The following MGAT4C variants were observed in gnomAD, a reference collection of about 807,000 sequenced individuals.
The protein encoded by MGAT4C is MGAT4 family member C, also known as alpha-1,3-mannosyl-glycoprotein 4-beta-N-acetylglucosaminyltransferase C.
Under a neutral mutation model 40.1 loss-of-function variants are expected in MGAT4C, and 19 were observed. That is an observed-to-expected ratio of 0.47 (90% CI 0.33 to 0.70). The LOEUF is 0.70. Among genes scored for constraint, MGAT4C ranks in the 30% least tolerant of loss-of-function variants. The probability of loss-of-function intolerance (pLI) is 0.02; values close to 1 mark genes in which losing one functional copy is unlikely to be tolerated. For missense variants in MGAT4C, 491 were observed against 563.2 expected (o/e 0.87, Z 1.30); for synonymous variants, 181 against 187.1 (o/e 0.97, Z 0.27).
chr12:86,680,524 G>A (rs373688857), intron 2 of MGAT4C, among the ~76,000 whole-genome samples: 46 of 152,046 alleles, frequency 3.0e-4, no homozygotes, highest in South Asian at 2.7e-3. Flanking sequence ...CAGTTGTTTC[G>A]TTTAATGTAG....
intron 1 of MGAT4C, among the ~76,000 whole-genome samples, chr12:86,068,733 G>A (rs943854405): frequency 3.9e-5 from 6 of 151,944 alleles, no homozygotes; most frequent in African/African-American, 7.2e-5. Flanking sequence ...TGGGAGTTAT[G>A]AGGCATTCTC....
At chr12:86,162,514 T>TA (rs1319654012) in intron 1 of MGAT4C, among the ~76,000 whole-genome samples, 4 of 151,902 alleles carry the variant, frequency 2.6e-5, no homozygotes, top group East Asian at 1.9e-4. Flanking sequence ...GGGAGTGAGT[T>TA]AAAAAAACTA....
At chr12:86,542,518 A>G (rs1020068252) in intron 2 of MGAT4C, among the ~76,000 whole-genome samples, 3 of 151,890 alleles carry the variant, frequency 2.0e-5, no homozygotes, top group African/African-American at 7.3e-5. Flanking sequence ...GGGCCATTTA[A>G]TTTTTCCTAC....
At position 86,767,885 on chromosome 12, in the gene MGAT4C, C is replaced by G. The variant is rs538737884; in HGVS notation, c.-261-40644G>C. Among the ~76,000 whole-genome samples the G allele has an allele frequency of 3.1e-3, 479 of 152,142 alleles. 2 individuals carry two copies. The highest frequency in any genetic ancestry group is 0.01 in the African/African-American group (430 of 41,522). On this transcript the variant is annotated intron_variant, in intron 1 of 7. Coordinates refer to the MGAT4C transcript ENST00000548651. ...CGTATCTCAAAATAATAAGAGCTAT[C>G]TATGACAAACCCACAGCCAATATCA...
intron 3 of MGAT4C, among the ~76,000 whole-genome samples, chr12:86,388,374 A>G (rs1349553224): frequency 6.7e-6 from 1 of 150,206 alleles, no homozygotes; most frequent in African/African-American, 2.5e-5. Flanking sequence ...ACAATATTTT[A>G]TTTTGTACAA....
intron 3 of MGAT4C, among the ~76,000 whole-genome samples, chr12:86,398,205 G>A (rs1215139964): frequency 6.6e-6 from 1 of 152,136 alleles, no homozygotes; most frequent in Admixed American, 6.5e-5. Context: ...CAGAATGAAT[G>A]TTTTAGCAGA....
chr12:86,131,364 T>G (rs977094137), intron 1 of MGAT4C, among the ~76,000 whole-genome samples: 1 of 152,054 alleles, frequency 6.6e-6, no homozygotes, highest in African/African-American at 2.4e-5. Context: ...ATGTTCTTCA[T>G]AGGGTGAGTT....
chr12:86,272,710 G>C (rs1225021064), intron 4 of MGAT4C, among the ~76,000 whole-genome samples: 3 of 151,982 alleles, frequency 2.0e-5, no homozygotes, highest in Non-Finnish European at 4.4e-5. Flanking sequence ...AAATTAGCCA[G>C]GTGTGGTGGC....
chr12:86,142,270 A>C (rs148132480), intron 1 of MGAT4C, among the ~76,000 whole-genome samples: 57 of 152,320 alleles, frequency 3.7e-4, no homozygotes, highest in African/African-American at 1.3e-3. Context: ...CAGAGAGATG[A>C]AAATCAAGCC....
intron 1 of MGAT4C, among the ~76,000 whole-genome samples, chr12:86,054,373 T>C (rs1893188594): frequency 6.6e-6 from 1 of 151,956 alleles, no homozygotes; most frequent in African/African-American, 2.4e-5. Flanking sequence ...ATAAAAAAGC[T>C]GAACTGATAA....
intron 1 of MGAT4C, among the ~76,000 whole-genome samples, chr12:86,127,717 T>G (rs1175290452): frequency 6.6e-6 from 1 of 152,190 alleles, no homozygotes; most frequent in Non-Finnish European, 1.5e-5. Flanking sequence ...TGTAAACATT[T>G]TGTTAAAATC....
chr12:86,031,707 T>C (rs906025334), intron 2 of MGAT4C, among the ~76,000 whole-genome samples: 6 of 151,912 alleles, frequency 3.9e-5, no homozygotes, highest in African/African-American at 1.4e-4. Flanking sequence ...TGGATTTCTC[T>C]TGAAATCTTT....
At chr12:86,624,178 C>T (rs1243565309) in intron 2 of MGAT4C, among the ~76,000 whole-genome samples, 4 of 152,102 alleles carry the variant, frequency 2.6e-5, no homozygotes, top group Non-Finnish European at 5.9e-5. Flanking sequence ...CCAACTGAGG[C>T]AAGGGCCTAC....
At chr12:86,220,523 G>A (rs75417136) in intron 1 of MGAT4C, among the ~76,000 whole-genome samples, 6,525 of 152,202 alleles carry the variant, frequency 0.043, 156 homozygotes, top group Non-Finnish European at 0.046. Context: ...TTAATTGTAA[G>A]TAGCCTTCAA....
intron 1 of MGAT4C, among the ~76,000 whole-genome samples, chr12:86,186,128 T>C (rs909121869): frequency 2.0e-5 from 3 of 152,158 alleles, no homozygotes; most frequent in African/African-American, 7.2e-5. Flanking sequence ...AAGAGGTACC[T>C]GTTGGATAGA....
intron 2 of MGAT4C, among the ~76,000 whole-genome samples, chr12:86,650,892 G>T (rs970163868): frequency 6.6e-6 from 1 of 151,990 alleles, no homozygotes; most frequent in Non-Finnish European, 1.5e-5. Flanking sequence ...CAGTCCTGCT[G>T]CAATGAAGTA....
chr12:86,395,458 A>C (rs1956244012), intron 3 of MGAT4C, among the ~76,000 whole-genome samples: 1 of 152,180 alleles, frequency 6.6e-6, no homozygotes, highest in African/African-American at 2.4e-5. Flanking sequence ...AAAATGGAAA[A>C]TACACTAAGC....
chr12:86,391,615 T>A (rs1956161320), intron 3 of MGAT4C, among the ~76,000 whole-genome samples: 1 of 152,054 alleles, frequency 6.6e-6, no homozygotes, highest in Non-Finnish European at 1.5e-5. Context: ...TCCCACTACT[T>A]TGGGAGGCTG....
chr12:86,061,968 C>T (rs1894024604), intron 1 of MGAT4C, among the ~76,000 whole-genome samples: 1 of 152,180 alleles, frequency 6.6e-6, no homozygotes, highest in Non-Finnish European at 1.5e-5. Context: ...TTAAACTTCC[C>T]TCCCTGACAG....
Sources: allele counts gnomAD v4.1 joint callset (sites outside exome capture counted in the v4.1 genomes callset), GRCh38; gene constraint gnomAD v4.1.1; transcripts MANE v1.5; gene names NCBI Gene and HGNC (gene_info 2026-07-23, HGNC 2026-07-21).